The following ATG13 variants were observed in gnomAD, a reference collection of about 807,000 sequenced individuals.
The protein encoded by ATG13 is autophagy-related protein 13.
Under a neutral mutation model 65.5 loss-of-function variants are expected in ATG13, and 23 were observed. That is an observed-to-expected ratio of 0.35 (90% confidence interval 0.25 to 0.50). The LOEUF (loss-of-function observed/expected upper bound fraction) is 0.50. ATG13 is among the 20% of genes least tolerant of loss of function. The probability of loss-of-function intolerance (pLI) is 0.98; values close to 1 mark genes in which losing one functional copy is unlikely to be tolerated. For synonymous variants in ATG13, 252 were observed against 245.2 expected (o/e 1.03, Z -0.26); for missense variants, 566 against 677.0 (o/e 0.84, Z 1.82).
At chr11:46,657,742 G>A in intron 10 of ATG13, 120 bp downstream of exon 10, 1 of 830,898 alleles carries the variant, frequency 1.2e-6, no homozygotes, top group Non-Finnish European at 1.9e-6. Context: ...GCCACTGATG[G>A]AGACCCCACG....
intron 2 of ATG13, among the ~76,000 whole-genome samples, chr11:46,639,927 C>T (rs893368105): frequency 2.0e-5 from 3 of 149,588 alleles, no homozygotes; most frequent in African/African-American, 7.4e-5. Flanking sequence ...GATCTCAGCT[C>T]ACTGCAGTCT....
At chr11:46,628,786 T>A (rs553294677) in intron 1 of ATG13, among the ~76,000 whole-genome samples, 1 of 152,094 alleles carries the variant, frequency 6.6e-6, no homozygotes, top group African/African-American at 2.4e-5. Flanking sequence ...ATAAATTATA[T>A]CCATTATAAA....
chr11:46,656,387 C>A, intron 8 of ATG13, 114 bp downstream of exon 8: 2 of 1,105,186 alleles, frequency 1.8e-6, no homozygotes, highest in Non-Finnish European at 2.6e-6. Context: ...ATGCATAATA[C>A]AAGTAAAGAA....
chr11:46,645,525 AG>A (rs2057305678), intron 4 of ATG13, 106 bp downstream of exon 4: 1 of 944,618 alleles, frequency 1.1e-6, no homozygotes, highest in Non-Finnish European at 1.6e-6. Context: ...GTATTATAAA[AG>A]TAAAATATCT....
chr11:46,636,720 G>T (rs2054114965), intron 2 of ATG13, among the ~76,000 whole-genome samples: 1 of 152,016 alleles, frequency 6.6e-6, no homozygotes, highest in African/African-American at 2.4e-5. Flanking sequence ...ACCTCCCAAA[G>T]AGCTGGGATT....
chr11:46,669,426 A>T lies in ATG13; in HGVS notation c.1469A>T (p.Asp490Val), dbSNP rs1405334513. Reference protein sequence around the residue: ...IDFKPAFSKDDILPMDLGTFY... With the variant: ...IDFKPAFSKDVILPMDLGTFY... ...AAGAAACCAGCTTTTTCTAAAGATG[A>T]CATTCTTCCGATGGACCTGGGGACC... Residue 490 changes from aspartate (D) to valine (V), a missense_variant, in exon 18 of 19, where the codon GAC becomes GTC. By Grantham distance (152) the Asp-to-Val change is radical. Coordinates refer to ENST00000683050, the MANE Select transcript of ATG13 (RefSeq NM_001346311.2). 1 of 1,614,034 alleles carries T rather than the reference A, an allele frequency of 6.2e-7. No homozygotes were observed. The highest frequency in any genetic ancestry group is 1.1e-5 in the South Asian group (1 of 91,092).
chr11:46,646,066 T>G (rs1315213199), intron 5 of ATG13, 77 bp downstream of exon 5: 15 of 1,561,556 alleles, frequency 9.6e-6, no homozygotes, highest in Non-Finnish European at 1.3e-5. Flanking sequence ...CATTTCTCAG[T>G]CTTATTCCTG....
chr11:46,663,265 CAAAAAAAAA>C (rs11422914), intron 11 of ATG13, among the ~76,000 whole-genome samples: 1 of 78,392 alleles, frequency 1.3e-5, no homozygotes, highest in African/African-American at 5.2e-5. Context: ...GACTCCATCT[CAAAAAAAAA>C]AAAAAAAAAA....
intron 2 of ATG13, among the ~76,000 whole-genome samples, chr11:46,632,773 C>G (rs976587561): frequency 6.6e-6 from 1 of 151,842 alleles, no homozygotes; most frequent in Non-Finnish European, 1.5e-5. Flanking sequence ...TACCAGGTAA[C>G]CATCTGGTAC....
chr11:46,671,172 C>G (rs1013118204), intron 18 of ATG13, among the ~76,000 whole-genome samples: 8 of 152,182 alleles, frequency 5.3e-5, no homozygotes, highest in African/African-American at 1.9e-4. Context: ...CCACCCTCAG[C>G]TGTTGGTGTC....
chr11:46,621,472 C>T (rs1055871896), intron 1 of ATG13, among the ~76,000 whole-genome samples: 1 of 152,172 alleles, frequency 6.6e-6, no homozygotes, highest in Non-Finnish European at 1.5e-5. Context: ...TCTCCCAATA[C>T]TATTCAGTCT....
At chr11:46,662,193 G>A (rs977598761) in intron 11 of ATG13, among the ~76,000 whole-genome samples, 2 of 152,110 alleles carry the variant, frequency 1.3e-5, no homozygotes, top group African/African-American at 2.4e-5. Flanking sequence ...TTGTTTTTAG[G>A]TAATTAACTT....
chr11:46,633,493 G>A (rs559929352), intron 2 of ATG13, among the ~76,000 whole-genome samples: 2 of 151,760 alleles, frequency 1.3e-5, no homozygotes, highest in East Asian at 1.9e-4. Flanking sequence ...GATTACAGGC[G>A]CCCGCCACCA....
At chr11:46,672,076 C>G (rs1463304312) in intron 18 of ATG13, among the ~76,000 whole-genome samples, 179 bp from the exon 19 acceptor site, 1 of 152,264 alleles carries the variant, frequency 6.6e-6, no homozygotes, top group East Asian at 1.9e-4. Context: ...CTGCAAAGCC[C>G]TGATGCATAT....
intron 11 of ATG13, 41 bp from the exon 12 acceptor site, chr11:46,663,945 CTTTTTTTTTTT>C: frequency 1.3e-6 from 1 of 763,270 alleles, no homozygotes; most frequent in Admixed American, 3.0e-5. Flanking sequence ...AGTCCCTTTT[CTTTTTTTTTTT>C]TTTTTTTGTT....
At chr11:46,655,924 G>A (rs2059957157) in intron 7 of ATG13, among the ~76,000 whole-genome samples, 1 of 152,102 alleles carries the variant, frequency 6.6e-6, no homozygotes, top group Admixed American at 6.6e-5. Context: ...TGTCAATGCA[G>A]GGTCTTGCTG....
At chr11:46,655,763 C>T (rs972434292) in intron 7 of ATG13, among the ~76,000 whole-genome samples, 2 of 151,974 alleles carry the variant, frequency 1.3e-5, no homozygotes, top group Admixed American at 1.3e-4. Context: ...TTTGAGACAG[C>T]GTCTCATCCT....
intron 2 of ATG13, among the ~76,000 whole-genome samples, chr11:46,630,565 A>G (rs1263130193): frequency 2.0e-4 from 20 of 101,402 alleles, no homozygotes; most frequent in African/African-American, 7.3e-4. Flanking sequence ...AAGAAATTAG[A>G]GGCTTTTTTT....
chr11:46,657,084 TC>T lies in ATG13; in HGVS notation c.500-10del. On this transcript the variant is annotated splice_polypyrimidine_tract_variant and intron_variant, in intron 8 of 18. Coordinates refer to ENST00000683050, the MANE Select transcript of ATG13 (RefSeq NM_001346311.2). ...CTGCAAAAGAAGCTAATAATGTATC[TC>T]TTCTCCTAGGCTTCCAGACAGTTCG... The T allele has an allele frequency of 1.9e-6, 3 of 1,605,012 alleles. No homozygotes were observed. Among genetic ancestry groups the T allele is most frequent in the Non-Finnish European group, 1.7e-6 (2 of 1,171,778 alleles).
Sources: gnomAD v4.1 joint callset for allele counts (sites outside exome capture counted in the v4.1 genomes callset) on GRCh38, gnomAD v4.1.1 for gene constraint, MANE v1.5 for transcripts, NCBI Gene and HGNC (gene_info 2026-07-23, HGNC 2026-07-21) for gene names.